PXDNL: variants seen among roughly 807,000 people sequenced by gnomAD.
The protein encoded by PXDNL is probable oxidoreductase PXDNL.
Under a neutral mutation model 150.8 loss-of-function variants are expected in PXDNL, and 145 were observed. The observed-to-expected ratio is 0.96, with a 90% CI of 0.84 to 1.10. The LOEUF is 1.10. PXDNL is among the 50% of genes least tolerant of loss of function. The pLI, the probability that PXDNL is intolerant of heterozygous loss-of-function variation, is 0.00. For missense variants in PXDNL, 2,087 were observed against 1,873.9 expected (o/e 1.11, Z -2.10); for synonymous variants, 757 against 725.7 (o/e 1.04, Z -0.69).
At chr8:51,724,142 G>T (rs1816781840) in intron 1 of PXDNL, among the ~76,000 whole-genome samples, 1 of 152,046 alleles carries the variant, frequency 6.6e-6, no homozygotes, top group African/African-American at 2.4e-5. Flanking sequence ...TTGGGAGGAC[G>T]GGTGGAGACT....
intron 8 of PXDNL, among the ~76,000 whole-genome samples, chr8:51,468,853 A>G (rs1453957567): frequency 6.6e-6 from 1 of 151,220 alleles, no homozygotes; most frequent in African/African-American, 2.4e-5. Flanking sequence ...TCTCCTTATA[A>G]CTCTTCTATT....
chr8:51,598,946 T>G (rs72638055), intron 2 of PXDNL, among the ~76,000 whole-genome samples: 1 of 152,156 alleles, frequency 6.6e-6, no homozygotes, highest in Non-Finnish European at 1.5e-5. Flanking sequence ...ATTTCAATTT[T>G]TTCCTGATTC....
intron 8 of PXDNL, among the ~76,000 whole-genome samples, chr8:51,458,139 G>C (rs1184276724): frequency 6.6e-6 from 1 of 152,202 alleles, no homozygotes; most frequent in African/African-American, 2.4e-5. Flanking sequence ...TCAAAGCCAA[G>C]TATAATTATA....
At chr8:51,501,814 G>A (rs950781757) in intron 4 of PXDNL, among the ~76,000 whole-genome samples, 1 of 152,266 alleles carries the variant, frequency 6.6e-6, no homozygotes, top group Non-Finnish European at 1.5e-5. Flanking sequence ...GAGAGTGAAA[G>A]AGGATGTGGG....
chr8:51,803,274 G>A (rs1304628114), intron 1 of PXDNL, among the ~76,000 whole-genome samples: 1 of 152,106 alleles, frequency 6.6e-6, no homozygotes, highest in Non-Finnish European at 1.5e-5. Context: ...ATATCTCAGC[G>A]AGTATCTCTC....
chr8:51,464,116 C>A (rs1810147589), intron 8 of PXDNL, among the ~76,000 whole-genome samples: 1 of 151,898 alleles, frequency 6.6e-6, no homozygotes, highest in South Asian at 2.1e-4. Context: ...GTAATACCAG[C>A]ACTTTGGGAG....
intron 1 of PXDNL, among the ~76,000 whole-genome samples, chr8:51,771,569 G>A (rs866423560): frequency 2.0e-5 from 3 of 152,108 alleles, no homozygotes; most frequent in Non-Finnish European, 2.9e-5. Context: ...AAGGAAAGAC[G>A]ACCCTGCAAG....
chr8:51,678,312 C>T (rs977176467), intron 1 of PXDNL, among the ~76,000 whole-genome samples: 1 of 152,116 alleles, frequency 6.6e-6, no homozygotes, highest in Non-Finnish European at 1.5e-5. Context: ...AGCATAGCAC[C>T]TGCTTGTCAT....
At chr8:51,426,602 T>C (rs747902696) in intron 13 of PXDNL, 44 bp downstream of exon 13, 150 of 1,103,166 alleles carry the variant, frequency 1.4e-4, no homozygotes, top group Non-Finnish European at 2.0e-4. Flanking sequence ...TCGATACATC[T>C]GTCAGTGTTT....
chr8:51,527,959 A>G (rs1811803304), intron 4 of PXDNL, among the ~76,000 whole-genome samples: 1 of 152,194 alleles, frequency 6.6e-6, no homozygotes, highest in South Asian at 2.1e-4. Context: ...TGCTTGGCCA[A>G]GGAGTTTAAC....
chr8:51,574,911 G>A (rs1395064856), intron 3 of PXDNL, among the ~76,000 whole-genome samples: 1 of 152,014 alleles, frequency 6.6e-6, no homozygotes, highest in East Asian at 1.9e-4. Context: ...ATGGTTAAAT[G>A]AAATTCTCTA....
intron 4 of PXDNL, among the ~76,000 whole-genome samples, chr8:51,510,903 G>A (rs1028045700): frequency 2.6e-5 from 4 of 152,116 alleles, no homozygotes; most frequent in African/African-American, 9.7e-5. Context: ...AGGGTTTCAG[G>A]CTCAGGAAAT....
intron 4 of PXDNL, among the ~76,000 whole-genome samples, chr8:51,514,923 A>G (rs138462225): frequency 6.6e-6 from 1 of 152,358 alleles, no homozygotes; most frequent in East Asian, 1.9e-4. Flanking sequence ...ATTTCATAAC[A>G]TACACATTGG....
At chr8:51,399,268 A>T (rs1236313070) in intron 17 of PXDNL, among the ~76,000 whole-genome samples, 1 of 152,230 alleles carries the variant, frequency 6.6e-6, no homozygotes, top group East Asian at 1.9e-4. Flanking sequence ...AGGCCCACAA[A>T]AAGACGTGCA....
At chr8:51,527,685 C>T (rs1585551106) in intron 4 of PXDNL, among the ~76,000 whole-genome samples, 2 of 152,294 alleles carry the variant, frequency 1.3e-5, no homozygotes, top group African/African-American at 4.8e-5. Flanking sequence ...GTCTGGATCT[C>T]ATAATCCTTA....
At chr8:51,772,730 G>A (rs1393425752) in intron 1 of PXDNL, among the ~76,000 whole-genome samples, 1 of 152,238 alleles carries the variant, frequency 6.6e-6, no homozygotes, top group Non-Finnish European at 1.5e-5. Flanking sequence ...ATGGGGCTGA[G>A]ACAAGGTAGC....
intron 1 of PXDNL, among the ~76,000 whole-genome samples, chr8:51,674,889 C>A (rs1047252495): frequency 1.3e-5 from 2 of 152,206 alleles, no homozygotes; most frequent in African/African-American, 4.8e-5. Context: ...GTTTAGTTAA[C>A]ACTCTGCTAC....
At chr8:51,701,192 C>T (rs1168293472) in intron 1 of PXDNL, among the ~76,000 whole-genome samples, 1 of 152,022 alleles carries the variant, frequency 6.6e-6, no homozygotes, top group African/African-American at 2.4e-5. Flanking sequence ...TTATTATTAG[C>T]AATTCAGTTG....
At chr8:51,443,117 A>G (rs899424468) in intron 12 of PXDNL, among the ~76,000 whole-genome samples, 1 of 152,106 alleles carries the variant, frequency 6.6e-6, no homozygotes, top group Admixed American at 6.6e-5. Context: ...TCCTTGTAAC[A>G]TTCTGTTTAG....
Sources: allele counts gnomAD v4.1 joint callset (sites outside exome capture counted in the v4.1 genomes callset), GRCh38; gene constraint gnomAD v4.1.1; transcripts MANE v1.5; gene names NCBI Gene and HGNC (gene_info 2026-07-23, HGNC 2026-07-21).